HEATR4: variants seen among roughly 807,000 people sequenced by gnomAD.
HEATR4 encodes the protein HEAT repeat-containing protein 4.
Under a neutral mutation model 108.8 loss-of-function variants are expected in HEATR4, and 95 were observed. The ratio of observed to expected loss-of-function variants is 0.87; its 90% confidence interval spans 0.74 to 1.04. The LOEUF (loss-of-function observed/expected upper bound fraction) is 1.04. Among genes scored for constraint, HEATR4 ranks in the 50% least tolerant of loss-of-function variants. The probability of loss-of-function intolerance (pLI) is 0.00; values close to 1 mark genes in which losing one functional copy is unlikely to be tolerated. For synonymous variants in HEATR4, 443 were observed against 459.4 expected (o/e 0.96, Z 0.46); for missense variants, 1,152 against 1,253.8 (o/e 0.92, Z 1.23).
At chr14:73,485,577 A>G (rs926321841) in intron 17 of HEATR4, among the ~76,000 whole-genome samples, 2 of 151,914 alleles carry the variant, frequency 1.3e-5, no homozygotes, top group Admixed American at 1.3e-4. Context: ...TAATTTTTGT[A>G]TTTAAAATTT....
At chr14:73,548,950 C>CTTT (rs529991322) in intron 1 of HEATR4, among the ~76,000 whole-genome samples, 5 of 104,856 alleles carry the variant, frequency 4.8e-5, no homozygotes, top group African/African-American at 1.2e-4. Flanking sequence ...CTCTCTCTCT[C>CTTT]TTTTTTTTTT....
In HEATR4 at chr14:73,496,648, A is replaced by C. The variant is rs867606009; in HGVS notation, c.2578T>G (p.Leu860Val). Reference protein sequence around the residue: ...EMYQTMKILNLGNEGNQEMLQ... With the variant: ...EMYQTMKILNVGNEGNQEMLQ... Reference sequence around the variant, plus strand: ...ATTTCTTGGTTTCCTTCATTTCCTAAGTTGAGTATCTTCATTGTCTGGTAC... The same window carrying C: ...ATTTCTTGGTTTCCTTCATTTCCTACGTTGAGTATCTTCATTGTCTGGTAC... Residue 860 changes from leucine (L) to valine (V), a missense_variant, in exon 15 of 18, where the codon TTA becomes GTA. Physicochemically the swap from Leu to Val is conservative, Grantham distance 32. Transcript: ENST00000553558. The C allele has an allele frequency of 1.9e-6, 3 of 1,597,010 alleles. No individual in the cohort carries two copies. The Middle Eastern group carries it at 5.0e-4, about 265-fold the overall frequency.
the HEATR4 span, among the ~76,000 whole-genome samples, chr14:73,617,986 T>C: frequency 6.6e-6 from 1 of 151,406 alleles, no homozygotes; most frequent in Non-Finnish European, 1.5e-5. Flanking sequence ...CTACTAAAGA[T>C]ACAAAAATTA....
At chr14:73,611,374 AC>A in the HEATR4 span, 1 of 152,256 alleles carries the variant, frequency 6.6e-6, no homozygotes, top group Non-Finnish European at 1.5e-5. Context: ...TAAAAAAGGT[AC>A]AACTCCTATC....
At chr14:73,569,557 C>A in the HEATR4 span, 150 of 1,602,366 alleles carry the variant, frequency 9.4e-5, no homozygotes, top group East Asian at 3.3e-3. Context: ...GAGAAGGGCG[C>A]GCTTTTCCAG....
At chr14:73,589,936 G>C in the HEATR4 span, among the ~76,000 whole-genome samples, 1 of 152,124 alleles carries the variant, frequency 6.6e-6, no homozygotes, top group African/African-American at 2.4e-5. Context: ...GGAGTTGTTC[G>C]TTCCTCCTGG....
intron 12 of HEATR4, 79 bp from the exon 13 acceptor site, chr14:73,499,219 C>T (rs1014380043): frequency 4.9e-6 from 6 of 1,228,764 alleles, no homozygotes; most frequent in Non-Finnish European, 7.2e-6. Flanking sequence ...GGTGGTGCAC[C>T]CCTGTAATCC....
the HEATR4 span, chr14:73,571,481 G>A: frequency 6.6e-6 from 1 of 152,210 alleles, no homozygotes; most frequent in Admixed American, 6.6e-5. Flanking sequence ...TGGGCTTCAA[G>A]ACTAGGGAAA....
the HEATR4 span, among the ~76,000 whole-genome samples, chr14:73,576,927 CTTTTCTTTTT>C: frequency 5.8e-5 from 7 of 121,622 alleles, no homozygotes; most frequent in Admixed American, 5.1e-4. Context: ...TTATTCTTTT[CTTTTCTTTTT>C]TTTTTTTTTT....
intron 17 of HEATR4, chr14:73,490,840 C>G (rs1007114225): frequency 1.7e-6 from 1 of 588,194 alleles, no homozygotes; most frequent in African/African-American, 1.9e-5. Context: ...CAGCTTGAAG[C>G]CAAACATTTA....
At chr14:73,556,734 T>C (rs1889402683) in intron 1 of HEATR4, among the ~76,000 whole-genome samples, 1 of 115,088 alleles carries the variant, frequency 8.7e-6, no homozygotes, top group African/African-American at 2.8e-5. Flanking sequence ...TTGATTGATA[T>C]GAACCTCAAA....
At chr14:73,495,439 G>A in intron 15 of HEATR4, 52 bp from the exon 16 acceptor site, 1 of 1,448,454 alleles carries the variant, frequency 6.9e-7, no homozygotes, top group Non-Finnish European at 9.5e-7. Flanking sequence ...CCTGTACTAG[G>A]CAGCAAATTA....
the HEATR4 span, among the ~76,000 whole-genome samples, chr14:73,592,984 T>TTCAGGTCG: frequency 6.6e-6 from 1 of 152,224 alleles, no homozygotes; most frequent in East Asian, 1.9e-4. Flanking sequence ...AAAAAACAGG[T>TTCAGGTCG]TCAGGTCGTC....
the HEATR4 span, chr14:73,573,502 A>G: frequency 1.7e-5 from 27 of 1,613,610 alleles, no homozygotes; most frequent in East Asian, 1.1e-4. Context: ...CTGGCTTATT[A>G]TAACTATGAA....
upstream of HEATR4, among the ~76,000 whole-genome samples, chr14:73,561,960 T>C (rs557747608): frequency 1.3e-5 from 2 of 152,148 alleles, no homozygotes; most frequent in African/African-American, 4.8e-5. Flanking sequence ...CTCCAGAGCC[T>C]GGGTGACAGA....
rs1887951397 is a variant in HEATR4 at position 73,521,092 on chromosome 14, C to A, written c.882-53G>T. 6 of 1,486,482 alleles carry A rather than the reference C, an allele frequency of 4.0e-6. No homozygotes were observed. In the South Asian group the frequency reaches 7.2e-5, roughly 18 times the overall value. The allele number at this position is 1,486,482 out of a possible 1,614,324, so 92.1% of individuals were successfully genotyped here. On this transcript the variant is annotated intron_variant, in intron 3 of 17. Coordinates refer to ENST00000553558, the MANE Select transcript of HEATR4 (RefSeq NM_001220484.1). ...AGGGGGAAAGAGTAGGAGGTGGATC[C>A]CCCTTTCCATTAAATCCACAGCTCG...
chr14:73,512,811 C>G (rs559581308), intron 6 of HEATR4, among the ~76,000 whole-genome samples: 17 of 152,210 alleles, frequency 1.1e-4, no homozygotes, highest in African/African-American at 3.9e-4. Context: ...GTAGGTGTTT[C>G]CTTCAGTCTT....
intron 1 of HEATR4, among the ~76,000 whole-genome samples, chr14:73,558,532 T>C (rs1421211442): frequency 1.4e-5 from 2 of 141,432 alleles, no homozygotes; most frequent in Admixed American, 1.4e-4. Context: ...TTTTTTTTTT[T>C]TTTTGTAGAG....
At chr14:73,585,820 C>CT in the HEATR4 span, among the ~76,000 whole-genome samples, 9,323 of 115,492 alleles carry the variant, frequency 0.081, 557 homozygotes, top group African/African-American at 0.18. Context: ...TTGTCTTTTT[C>CT]TTTTTTTTTT....
Sources: gnomAD v4.1 joint callset for allele counts (sites outside exome capture counted in the v4.1 genomes callset) on GRCh38, gnomAD v4.1.1 for gene constraint, MANE v1.5 for transcripts, NCBI Gene and HGNC (gene_info 2026-07-23, HGNC 2026-07-21) for gene names.